OLAH: variants seen among roughly 807,000 people sequenced by gnomAD.
OLAH encodes S-acyl fatty acid synthase thioesterase, medium chain.
OLAH carries 33 observed loss-of-function variants against 27.8 expected under a neutral mutation model. The observed-to-expected ratio is 1.19, with a 90% CI of 0.90 to 1.59. OLAH has a LOEUF of 1.59. Among genes scored for constraint, OLAH ranks in the 40% most tolerant of loss-of-function variants. The probability of loss-of-function intolerance (pLI) is 0.00; values close to 1 mark genes in which losing one functional copy is unlikely to be tolerated. For missense variants in OLAH, 359 were observed against 310.8 expected (o/e 1.16, Z -1.17); for synonymous variants, 120 against 102.9 (o/e 1.17, Z -1.01).
At chr10:15,053,189 G>A (rs35039025) in intron 3 of OLAH, among the ~76,000 whole-genome samples, 10,685 of 152,142 alleles carry the variant, frequency 0.07, 409 homozygotes, top group Middle Eastern at 0.14. Context: ...AGGCAGGAGA[G>A]GCCCCTCCAC....
intron 3 of OLAH, among the ~76,000 whole-genome samples, chr10:15,050,113 C>T (rs11259448): frequency 6.6e-6 from 1 of 152,098 alleles, no homozygotes; most frequent in Non-Finnish European, 1.5e-5. Flanking sequence ...CGAATTAATA[C>T]AGAGTCTAAA....
intron 3 of OLAH, among the ~76,000 whole-genome samples, chr10:15,050,183 T>C (rs970126751): frequency 6.6e-6 from 1 of 152,230 alleles, no homozygotes; most frequent in African/African-American, 2.4e-5. Context: ...TTTGGGAGGC[T>C]GAGGCAGGAG....
At chr10:15,040,573 C>T (rs1695635774), upstream of OLAH, among the ~76,000 whole-genome samples, 1 of 152,124 alleles carries the variant, frequency 6.6e-6, no homozygotes, top group Admixed American at 6.6e-5. Context: ...CAGCATCACC[C>T]CTTCCTTCCT....
chr10:15,050,580 C>T (rs559756677), intron 3 of OLAH, among the ~76,000 whole-genome samples: 38 of 129,712 alleles, frequency 2.9e-4, no homozygotes, highest in Middle Eastern at 6.2e-3. Context: ...CTGGCTCTGT[C>T]GCCCAGGCTG....
intron 1 of OLAH, among the ~76,000 whole-genome samples, chr10:15,033,807 A>C (rs1843795513): frequency 6.6e-6 from 1 of 152,204 alleles, no homozygotes; most frequent in Non-Finnish European, 1.5e-5. Flanking sequence ...CCCTTTTATA[A>C]GGGCATTAAT....
intron 7 of OLAH, among the ~76,000 whole-genome samples, chr10:15,072,626 G>T (rs1239036439): frequency 1.3e-5 from 2 of 152,024 alleles, no homozygotes; most frequent in African/African-American, 4.8e-5. Flanking sequence ...TACAAGCTTG[G>T]AATGTTTCTG....
At chr10:15,072,019 C>T (rs995718538) in intron 7 of OLAH, 142 bp downstream of exon 7, 75 of 576,090 alleles carry the variant, frequency 1.3e-4, no homozygotes, top group Non-Finnish European at 2.0e-4. Flanking sequence ...TTGCAACCTC[C>T]GCCTCCCAGG....
chr10:15,071,912 AAT>A, intron 7 of OLAH, 35 bp downstream of exon 7: 2 of 1,503,254 alleles, frequency 1.3e-6, no homozygotes, highest in South Asian at 1.2e-5. Flanking sequence ...ATTGTATTGA[AAT>A]ATATGTTTGA....
chr10:15,055,744 A>G (rs1844232872), intron 3 of OLAH, among the ~76,000 whole-genome samples: 1 of 152,170 alleles, frequency 6.6e-6, no homozygotes, highest in South Asian at 2.1e-4. Context: ...CCCTTAAAGA[A>G]TAAAACAGTA....
At chr10:15,064,614 G>T (rs1030354668) in intron 5 of OLAH, 112 bp downstream of exon 5, 14 of 618,486 alleles carry the variant, frequency 2.3e-5, no homozygotes, top group Non-Finnish European at 3.8e-5. Flanking sequence ...GATGATGATG[G>T]TGGGGATACT....
intron 3 of OLAH, among the ~76,000 whole-genome samples, chr10:15,059,480 C>T (rs149066389): frequency 1.8e-4 from 28 of 152,078 alleles, no homozygotes; most frequent in African/African-American, 4.8e-4. Context: ...AGCCACCGCA[C>T]CTGGCAGGCT....
chr10:15,065,882 G>GT, intron 6 of OLAH, 129 bp downstream of exon 6: 1 of 765,242 alleles, frequency 1.3e-6, no homozygotes, highest in Non-Finnish European at 2.1e-6. Context: ...ATTTCCTTTG[G>GT]GGCCACCTAT....
At chr10:15,037,058 G>A (rs1188885424) in intron 1 of OLAH, among the ~76,000 whole-genome samples, 1 of 151,928 alleles carries the variant, frequency 6.6e-6, no homozygotes, top group East Asian at 1.9e-4. Flanking sequence ...CAGCCTGGGA[G>A]ACAGAGCGAG....
chr10:15,049,100 CTTTTTTT>C (rs752500462), intron 2 of OLAH, among the ~76,000 whole-genome samples: 13 of 55,346 alleles, frequency 2.3e-4, no homozygotes, highest in African/African-American at 8.5e-4. Flanking sequence ...GAGACTATGT[CTTTTTTT>C]TTTTTTTTTT....
intron 4 of OLAH, among the ~76,000 whole-genome samples, chr10:15,063,151 G>A (rs1844401175): frequency 2.0e-5 from 3 of 152,148 alleles, no homozygotes; most frequent in African/African-American, 7.2e-5. Flanking sequence ...TTTCAAGACA[G>A]GGTCTTGCTC....
chr10:15,072,191 C>G (rs1844602883), intron 7 of OLAH, among the ~76,000 whole-genome samples: 1 of 152,154 alleles, frequency 6.6e-6, no homozygotes, highest in African/African-American at 2.4e-5. Flanking sequence ...CTCGGCCTCC[C>G]AAAGTGCTGG....
intron 3 of OLAH, 65 bp from the exon 4 acceptor site, chr10:15,061,659 T>C: frequency 7.0e-7 from 1 of 1,420,552 alleles, no homozygotes; most frequent in South Asian, 1.7e-5. Context: ...ATATGAGCCC[T>C]TTTATAACAT....
At chr10:15,046,667 C>T (rs536066890) in intron 1 of OLAH, among the ~76,000 whole-genome samples, 25 of 152,132 alleles carry the variant, frequency 1.6e-4, no homozygotes, top group South Asian at 1.2e-3. Flanking sequence ...GGGGTTTCAC[C>T]GTGTTGGCCA....
At position 15,061,719 on chromosome 10, in the gene OLAH, T is replaced by A; in HGVS notation, c.164-5T>A. On this transcript the variant is annotated splice_polypyrimidine_tract_variant and splice_region_variant and intron_variant, in intron 3 of 7. Coordinates refer to ENST00000378228, the MANE Select transcript of OLAH (RefSeq NM_001039702.3). Reference sequence around the variant, plus strand: ...GCGTGTTCACTTGTGTTTCTCCATCTCCAGTGCACTCCTTAAGGCTTCCTG... The same window carrying A: ...GCGTGTTCACTTGTGTTTCTCCATCACCAGTGCACTCCTTAAGGCTTCCTG... 1.3e-6 allele frequency: 2 copies of A among 1,596,972 alleles called. No homozygotes were observed. Among genetic ancestry groups the A allele is most frequent in the African/African-American group, 2.7e-5 (2 of 74,324 alleles).
Sources: allele counts gnomAD v4.1 joint callset (sites outside exome capture counted in the v4.1 genomes callset), GRCh38; gene constraint gnomAD v4.1.1; transcripts MANE v1.5; gene names NCBI Gene and HGNC (gene_info 2026-07-23, HGNC 2026-07-21).